Variants in AFDN observed in about 807,000 individuals in gnomAD.
The protein encoded by AFDN is afadin, adherens junction formation factor, also known as afadin.
A neutral mutation model predicts 216.6 loss-of-function variants in AFDN; 68 were observed. That is an observed-to-expected ratio of 0.31 (90% CI 0.26 to 0.38). The LOEUF is 0.38. Ranked by LOEUF, AFDN falls within the 10% of genes least tolerant of loss-of-function variation. The pLI, the probability that AFDN is intolerant of heterozygous loss-of-function variation, is 1.00. For missense variants in AFDN, 2,136 were observed against 2,342.0 expected, an observed-to-expected ratio of 0.91 and a Z score of 1.82; for synonymous variants, 868 against 853.7, an observed-to-expected ratio of 1.02 and a Z score of -0.29.
intron 7 of AFDN, 132 bp from the exon 8 acceptor site, chr6:167,890,730 C>T: frequency 1.3e-6 from 1 of 775,702 alleles, no homozygotes; most frequent in Non-Finnish European, 2.1e-6. Context: ...AAGCTGTACA[C>T]AGTGATTCCT....
At chr6:167,830,645 G>A (rs1779723443) in intron 1 of AFDN, among the ~76,000 whole-genome samples, 2 of 152,074 alleles carry the variant, frequency 1.3e-5, no homozygotes, top group South Asian at 4.1e-4. Flanking sequence ...TGGATTTATT[G>A]CCTCCTTCTT....
chr6:167,908,501 T>C (rs549058729), intron 13 of AFDN, among the ~76,000 whole-genome samples: 5 of 152,340 alleles, frequency 3.3e-5, no homozygotes, highest in African/African-American at 1.2e-4. Context: ...GAATGGTAAA[T>C]TGGTATTGTA....
chr6:167,921,964 G>T lies in AFDN; in HGVS notation c.2909-892G>T, dbSNP rs915286574. Among the ~76,000 whole-genome samples, 7 of 152,178 alleles carry T rather than the reference G, an allele frequency of 4.6e-5. No homozygotes were observed. The East Asian group carries it at 1.2e-3, about 25-fold the overall frequency. ...ACCACTGGAATGGGTGAGACTGTCA[G>T]CTACTGCCAGGGAAAACTCCTCACC... On this transcript the variant is annotated intron_variant, in intron 21 of 33. Coordinates refer to ENST00000683244, the MANE Select transcript of AFDN (RefSeq NM_001386888.1).
At chr6:167,949,819 A>G (rs1035214327) in intron 29 of AFDN, among the ~76,000 whole-genome samples, 2 of 149,694 alleles carry the variant, frequency 1.3e-5, no homozygotes, top group African/African-American at 2.5e-5. Context: ...ACGTCTTCAC[A>G]TTTATAGTAT....
At chr6:167,891,452 G>GTGTGT (rs1787597435) in intron 8 of AFDN, among the ~76,000 whole-genome samples, 1 of 110,252 alleles carries the variant, frequency 9.1e-6, no homozygotes, top group South Asian at 3.4e-4. Flanking sequence ...TGTGTGTGTG[G>GTGTGT]CTGTTGTTTC....
At chr6:167,839,158 A>G (rs1159348658) in intron 1 of AFDN, among the ~76,000 whole-genome samples, 1 of 152,206 alleles carries the variant, frequency 6.6e-6, no homozygotes, top group East Asian at 1.9e-4. Context: ...ACATTTTATT[A>G]GTGTAATGGC....
Position 167,952,333 on chromosome 6 carries a change from TTGGCTGATGTCGTAGAGAAATG to T in AFDN, c.4833+147_4833+168del, listed in dbSNP as rs1167998576. On this transcript the variant is annotated intron_variant, in intron 30 of 33. Coordinates refer to ENST00000683244, the MANE Select transcript of AFDN (RefSeq NM_001386888.1). ...TACTGTTTTATTGTATGTGTTACTC[TTGGCTGATGTCGTAGAGAAATG>T]AGTCAGGCCTATAAGGCTAAATTTT... is the stretch of plus-strand genomic sequence containing the variant. 7.9e-6 allele frequency: 12 copies of T among 1,512,624 alleles called. No homozygotes were observed. In the Admixed American group the frequency reaches 1.8e-4, roughly 23 times the overall value. The allele number at this position is 1,512,624 out of a possible 1,614,324, so 93.7% of individuals were successfully genotyped here. A position where few individuals can be genotyped will look rare whatever the true frequency, so the allele number is the denominator to read the frequency against.
At chr6:167,832,247 C>T (rs1035762812) in intron 1 of AFDN, among the ~76,000 whole-genome samples, 7 of 152,182 alleles carry the variant, frequency 4.6e-5, no homozygotes, top group Non-Finnish European at 8.8e-5. Flanking sequence ...AGTTGGCTAA[C>T]GCTGATGTGC....
At chr6:167,954,138 T>TA (rs1441514070) in intron 30 of AFDN, among the ~76,000 whole-genome samples, 5 of 152,272 alleles carry the variant, frequency 3.3e-5, no homozygotes, top group Admixed American at 6.5e-5. Flanking sequence ...GAAAATTTAG[T>TA]AAAAAATATT....
In AFDN at chr6:167,965,892, C is replaced by G; in HGVS notation, c.5104C>G (p.Pro1702Ala). The change falls in exon 32 of 34, where the codon CCG becomes GCG. Residue 1702 changes from proline to alanine, a missense_variant. By Grantham distance (27) the Pro-to-Ala change is conservative (BLOSUM62 -1). Coordinates refer to ENST00000683244, the MANE Select transcript of AFDN (RefSeq NM_001386888.1). ...RPPLPRDYEP[P>A]SPSPAPGAPP... Reference sequence around the variant, plus strand: ...TCCGCTTCCCCGGGACTACGAGCCCCCGTCCCCGTCCCCCGCGCCCGGCGC... The same window carrying G: ...TCCGCTTCCCCGGGACTACGAGCCCGCGTCCCCGTCCCCCGCGCCCGGCGC... 2 of 1,549,018 alleles carry G rather than the reference C, an allele frequency of 1.3e-6. No individual in the cohort carries two copies. The highest frequency in any genetic ancestry group is 1.4e-5 in the African/African-American group (1 of 73,154).
intron 32 of AFDN, among the ~76,000 whole-genome samples, chr6:167,966,759 T>C (rs907977625): frequency 6.6e-6 from 1 of 152,220 alleles, no homozygotes; most frequent in Non-Finnish European, 1.5e-5. Context: ...CGCGCTCTCA[T>C]GGTGGTTTGG....
chr6:167,961,206 C>T (rs1797003082), intron 30 of AFDN, among the ~76,000 whole-genome samples: 1 of 152,138 alleles, frequency 6.6e-6, no homozygotes, highest in Admixed American at 6.5e-5. Flanking sequence ...GGGATTCCTG[C>T]AGTGGTTAGA....
At position 167,965,812 on chromosome 6, in the gene AFDN, A is replaced by T; in HGVS notation, c.5024A>T (p.His1675Leu). ...SRLEAERRRQ[H>L]DEAARRLLEP... ...CTGGAAGCCGAGAGGCGCAGACAGC[A>T]CGACGAGGCGGCGCGCAGGTTGCTG... Residue 1675 changes from histidine to leucine, a missense_variant, in exon 32 of 34, where the codon CAC (histidine) becomes CTC (leucine). Transcript: ENST00000683244. 6.4e-7 allele frequency: 1 copy of T among 1,567,662 alleles called. No homozygotes were observed. Among genetic ancestry groups the T allele is most frequent in the Non-Finnish European group, 8.6e-7 (1 of 1,157,158 alleles).
At chr6:167,948,839 C>T (rs1350321937) in intron 29 of AFDN, among the ~76,000 whole-genome samples, 1 of 152,230 alleles carries the variant, frequency 6.6e-6, no homozygotes, top group East Asian at 1.9e-4. Context: ...ATGAGACAGA[C>T]ACAACAGACA....
At chr6:167,874,930 G>C (rs1449745323) in intron 4 of AFDN, among the ~76,000 whole-genome samples, 1 of 152,082 alleles carries the variant, frequency 6.6e-6, no homozygotes, top group Non-Finnish European at 1.5e-5. Flanking sequence ...TTACTGTAAT[G>C]TTAAGACAGA....
In AFDN at chr6:167,888,781, A is replaced by G. The variant is rs146470456; in HGVS notation, c.898-434A>G. Among the ~76,000 whole-genome samples the G allele has an allele frequency of 4.6e-3, 699 of 152,308 alleles. 10 individuals are homozygous for G. Among genetic ancestry groups the G allele is most frequent in the African/African-American group, 0.016 (659 of 41,572 alleles). ...AACGAAAACTATTCTGGCTTGTTGT[A>G]TGGTGGTTATCCTAAGATATCTCAT... On this transcript the variant is annotated intron_variant, in intron 6 of 33. Coordinates refer to ENST00000683244, the MANE Select transcript of AFDN (RefSeq NM_001386888.1).
intron 1 of AFDN, among the ~76,000 whole-genome samples, chr6:167,834,802 A>T (rs2128100579): frequency 6.6e-6 from 1 of 152,090 alleles, no homozygotes; most frequent in South Asian, 2.1e-4. Context: ...CAACACAGTG[A>T]GGTCCCGTCT....
intron 23 of AFDN, among the ~76,000 whole-genome samples, chr6:167,931,600 AT>A (rs929800271): frequency 3.3e-5 from 5 of 151,948 alleles, no homozygotes; most frequent in African/African-American, 9.7e-5. Context: ...AATACAGTCC[AT>A]TTTTTTTCCA....
At position 167,897,024 on chromosome 6, in the gene AFDN, G is replaced by A. The variant is rs777073781; in HGVS notation, c.1317+52G>A. ...ACTCTGACATTCCAGGAGGCATAACGTATTGTACAGAGCCTGCCACATGGT... is the reference window on the plus strand; with the variant it reads ...ACTCTGACATTCCAGGAGGCATAACATATTGTACAGAGCCTGCCACATGGT... On this transcript the variant is annotated intron_variant, in intron 10 of 33. Transcript: ENST00000683244. 6 of 1,002,694 alleles carry A rather than the reference G, an allele frequency of 6.0e-6. No individual in the cohort carries two copies. In the Admixed American group the frequency reaches 6.8e-5, roughly 11 times the overall value. 62.1% of individuals were successfully genotyped at this position (1,002,694 alleles called of 1,614,324 possible).
Sources: allele counts gnomAD v4.1 joint callset (sites outside exome capture counted in the v4.1 genomes callset), GRCh38; gene constraint gnomAD v4.1.1; transcripts MANE v1.5; gene names NCBI Gene and HGNC (gene_info 2026-07-23, HGNC 2026-07-21).